Variants in USP7 observed in about 807,000 individuals in gnomAD.
USP7 encodes ubiquitin specific peptidase 7, also known as ubiquitin C-terminal hydrolase 7.
Under a neutral mutation model 162.9 loss-of-function variants are expected in USP7, and 9 were observed. The ratio of observed to expected loss-of-function variants is 0.06; its 90% CI spans 0.03 to 0.10. The LOEUF (loss-of-function observed/expected upper bound fraction) is 0.10. USP7 is among the 10% of genes least tolerant of loss of function. USP7 has a pLI of 1.00. For missense variants in USP7, 715 were observed against 1,373.7 expected (o/e 0.52, Z 7.58); for synonymous variants, 562 against 475.9 (o/e 1.18, Z -2.35).
At chr16:8,899,920 T>C (rs542389632) in intron 21 of USP7, 163 bp from the exon 22 acceptor site, 1 of 811,444 alleles carries the variant, frequency 1.2e-6, no homozygotes, top group East Asian at 2.6e-5. Context: ...GAGCTCCCTC[T>C]GTAAGCGAGG....
intron 3 of USP7, among the ~76,000 whole-genome samples, chr16:8,922,413 G>A (rs980034997): frequency 1.4e-4 from 22 of 152,232 alleles, no homozygotes; most frequent in African/African-American, 3.1e-4. Context: ...GCTTGAACCC[G>A]GGAGGTGGAG....
intron 1 of USP7, among the ~76,000 whole-genome samples, chr16:8,960,098 C>T (rs934777650): frequency 3.3e-5 from 5 of 152,146 alleles, no homozygotes; most frequent in Non-Finnish European, 7.3e-5. Context: ...GCAAGTCACT[C>T]CTTCAGCCCC....
At chr16:8,934,975 A>G (rs1168454574) in intron 1 of USP7, among the ~76,000 whole-genome samples, 1 of 152,216 alleles carries the variant, frequency 6.6e-6, no homozygotes, top group Non-Finnish European at 1.5e-5. Flanking sequence ...TAAATGATGA[A>G]AGCACAGGAT....
chr16:8,905,437 T>TA, intron 13 of USP7, 106 bp from the exon 14 acceptor site: 1 of 1,400,550 alleles, frequency 7.1e-7, no homozygotes, highest in Non-Finnish European at 9.9e-7. Context: ...GGTATGCCCC[T>TA]AGTTGAAAAA....
In USP7 at chr16:8,921,340, G is replaced by A. The variant is rs759118863; in HGVS notation, c.384-45C>T. The A allele has an allele frequency of 8.2e-6, 13 of 1,594,180 alleles. No individual in the cohort carries two copies. In the East Asian group the frequency reaches 2.7e-4, roughly 33 times the overall value. On this transcript the variant is annotated intron_variant, in intron 3 of 30. Transcript: ENST00000344836. ...GAGCCTTAGTTGACATTATTTACCA[G>A]ATGTTATACATTTTTAAAGACAGTA...
Position 8,892,505 on chromosome 16 carries a change from C to CT in USP7, c.*1492dup, listed in dbSNP as rs1484189972. On this transcript the variant is annotated 3_prime_UTR_variant, in exon 31 of 31. Transcript: ENST00000344836. ...GATAGCGCCTGCCGCCCCGAAGGGC[C>CT]TCGTGACACATCAGGTCACATCTCC... 6.6e-6 allele frequency: 1 copy of CT among 151,850 alleles called. No individual in the cohort carries two copies. Among genetic ancestry groups the CT allele is most frequent in the Non-Finnish European group, 1.5e-5 (1 of 68,002 alleles). The allele number at this position is 151,850 out of a possible 1,614,324, so 9.4% of individuals were successfully genotyped here.
chr16:8,962,488 G>C (rs1171227229), intron 1 of USP7: 1 of 450,826 alleles, frequency 2.2e-6, no homozygotes, highest in African/African-American at 2.0e-5. Flanking sequence ...TTCGAGTCAG[G>C]TTTGATTCTG....
At chr16:8,959,707 C>G (rs1899935020) in intron 1 of USP7, among the ~76,000 whole-genome samples, 2 of 152,228 alleles carry the variant, frequency 1.3e-5, no homozygotes, top group Admixed American at 1.3e-4. Context: ...ATAATCACAA[C>G]AGCACAAGTT....
intron 1 of USP7, among the ~76,000 whole-genome samples, chr16:8,930,906 C>A (rs1898292151): frequency 6.6e-6 from 1 of 151,328 alleles, no homozygotes; most frequent in Non-Finnish European, 1.5e-5. Context: ...GAGGCGGAGG[C>A]TGCAGTGAGC....
rs967798038 is a variant in USP7 at position 8,963,128 on chromosome 16, C to T, written c.79+79G>A. The T allele has an allele frequency of 1.7e-5, 21 of 1,268,716 alleles. No individual in the cohort carries two copies. In the South Asian group the frequency reaches 2.1e-4, roughly 13 times the overall value. 78.6% of individuals were successfully genotyped at this position (1,268,716 alleles called of 1,614,324 possible). On this transcript the variant is annotated intron_variant, in intron 1 of 30. Transcript: ENST00000344836. ...GGGCCTGGTTAAAGATGGCGAGCCC[C>T]TCGCGTGGCTCCCGCGGCTCCCCCG...
chr16:8,908,546 GGA>G, intron 11 of USP7, 96 bp from the exon 12 acceptor site: 2 of 959,384 alleles, frequency 2.1e-6, no homozygotes, highest in Non-Finnish European at 1.6e-6. Context: ...GAACATGTCT[GGA>G]GACTCTGGAG....
In USP7 at chr16:8,902,194, C is replaced by A; in HGVS notation, c.1942-7G>T. 1.2e-6 allele frequency: 2 copies of A among 1,613,552 alleles called. No homozygotes were observed. The highest frequency in any genetic ancestry group is 1.7e-6 in the Non-Finnish European group (2 of 1,179,744). ...TATCACTGAGCTCAATCATCTATTT[C>A]CAAAAGAGACGCTGATTTTAGAAGA... is the stretch of plus-strand genomic sequence containing the variant. On this transcript the variant is annotated splice_region_variant and splice_polypyrimidine_tract_variant and intron_variant, in intron 17 of 30. Coordinates refer to ENST00000344836, the MANE Select transcript of USP7 (RefSeq NM_003470.3).
chr16:8,920,214 A>T (rs925852286), intron 5 of USP7, 145 bp downstream of exon 5: 1 of 661,164 alleles, frequency 1.5e-6, no homozygotes, highest in Non-Finnish European at 2.6e-6. Flanking sequence ...AGTGTCAAGC[A>T]GGTGTGACTC....
intron 4 of USP7, 107 bp downstream of exon 4, chr16:8,921,050 G>A: frequency 1.6e-6 from 2 of 1,268,130 alleles, no homozygotes; most frequent in Non-Finnish European, 2.1e-6. Flanking sequence ...AATTTAGAAA[G>A]TAAAAATCTG....
intron 2 of USP7, among the ~76,000 whole-genome samples, chr16:8,929,857 C>G (rs997603993): frequency 2.0e-5 from 3 of 152,138 alleles, no homozygotes; most frequent in Non-Finnish European, 4.4e-5. Context: ...TGATTTCATC[C>G]CTAACAGGAG....
At chr16:8,959,291 CCA>C (rs1234843234) in intron 1 of USP7, among the ~76,000 whole-genome samples, 2 of 151,858 alleles carry the variant, frequency 1.3e-5, no homozygotes, top group Non-Finnish European at 2.9e-5. Context: ...GCCTTAGTCA[CCA>C]CAGTCTGTTA....
chr16:8,962,231 T>C (rs758505608), intron 1 of USP7, among the ~76,000 whole-genome samples: 10 of 152,186 alleles, frequency 6.6e-5, no homozygotes, highest in Non-Finnish European at 1.0e-4. Context: ...TCAGGTGGCC[T>C]CCATTTGACT....
chr16:8,907,999 A>G (rs1423387090), intron 12 of USP7, among the ~76,000 whole-genome samples: 1 of 152,252 alleles, frequency 6.6e-6, no homozygotes, highest in East Asian at 1.9e-4. Context: ...AATAACATTT[A>G]TAATCGGTCA....
At chr16:8,942,287 G>GGAGA (rs1271869057) in intron 1 of USP7, among the ~76,000 whole-genome samples, 1 of 152,218 alleles carries the variant, frequency 6.6e-6, no homozygotes, top group Non-Finnish European at 1.5e-5. Flanking sequence ...GATGCCCAGT[G>GGAGA]GAGAGTCTGT....
Sources: allele counts gnomAD v4.1 joint callset (sites outside exome capture counted in the v4.1 genomes callset), GRCh38; gene constraint gnomAD v4.1.1; transcripts MANE v1.5; gene names NCBI Gene and HGNC (gene_info 2026-07-23, HGNC 2026-07-21).